The following FBN2 variants were observed in gnomAD, a reference collection of about 807,000 sequenced individuals.
FBN2 encodes fibrillin-2.
FBN2 carries 105 observed loss-of-function variants against 355.6 expected under a neutral mutation model. The ratio of observed to expected loss-of-function variants is 0.30; its 90% CI spans 0.25 to 0.35. FBN2 has a LOEUF of 0.35. Among genes scored for constraint, FBN2 ranks in the 10% least tolerant of loss-of-function variants. FBN2 has a pLI of 1.00. For synonymous variants in FBN2, 1,350 were observed against 1,301.2 expected (o/e 1.04, Z -0.81); for missense variants, 3,280 against 3,758.7 (o/e 0.87, Z 3.33).
intron 4 of FBN2, among the ~76,000 whole-genome samples, chr5:128,521,286 T>C (rs1207224466): frequency 6.6e-6 from 1 of 152,090 alleles, no homozygotes; most frequent in African/African-American, 2.4e-5. Context: ...AAACACCACA[T>C]GTTCTCACTT....
intron 50 of FBN2, 65 bp downstream of exon 50, chr5:128,290,667 C>T (rs1024022043): frequency 6.7e-7 from 1 of 1,492,346 alleles, no homozygotes; most frequent in Non-Finnish European, 9.4e-7. Flanking sequence ...CATGGTTAAA[C>T]CCACTCTGGC....
intron 6 of FBN2, among the ~76,000 whole-genome samples, chr5:128,463,590 T>C (rs1024912753): frequency 6.6e-6 from 1 of 152,184 alleles, no homozygotes; most frequent in African/African-American, 2.4e-5. Context: ...CAAAAATCTG[T>C]GGATGCTGCT....
chr5:128,314,325 ATTTG>A (rs1365784488), intron 36 of FBN2, among the ~76,000 whole-genome samples: 1 of 151,878 alleles, frequency 6.6e-6, no homozygotes, highest in Non-Finnish European at 1.5e-5. Context: ...ATTTATATTT[ATTTG>A]TTTATTTATT....
intron 7 of FBN2, among the ~76,000 whole-genome samples, chr5:128,411,307 C>T (rs905712953): frequency 1.3e-5 from 2 of 152,204 alleles, no homozygotes; most frequent in Non-Finnish European, 2.9e-5. Flanking sequence ...TGTTAAAAAG[C>T]TCATGCCCAG....
chr5:128,260,625 T>C (rs1249621671), intron 64 of FBN2, among the ~76,000 whole-genome samples: 3 of 152,206 alleles, frequency 2.0e-5, no homozygotes, highest in Admixed American at 6.5e-5. Flanking sequence ...ACTTCTGGAT[T>C]TGTAGTTTGG....
intron 5 of FBN2, among the ~76,000 whole-genome samples, chr5:128,502,168 A>G (rs990328214): frequency 2.0e-5 from 3 of 152,098 alleles, no homozygotes; most frequent in African/African-American, 7.2e-5. Flanking sequence ...CTACAGAAAT[A>G]TGGAAGGAAA....
chr5:128,279,226 G>A (rs1765472365), intron 56 of FBN2, among the ~76,000 whole-genome samples: 1 of 152,090 alleles, frequency 6.6e-6, no homozygotes, highest in Non-Finnish European at 1.5e-5. Context: ...TATTTTATGA[G>A]CTTGGTACTT....
chr5:128,404,566 C>T (rs1157424957), intron 8 of FBN2, among the ~76,000 whole-genome samples: 1 of 152,246 alleles, frequency 6.6e-6, no homozygotes, highest in African/African-American at 2.4e-5. Context: ...CTATAATCAA[C>T]ATGAAGTTCT....
intron 34 of FBN2, among the ~76,000 whole-genome samples, chr5:128,327,724 C>T (rs755506307): frequency 4.5e-4 from 69 of 151,962 alleles, no homozygotes; most frequent in Admixed American, 2.6e-3. Flanking sequence ...CCGCAACCTC[C>T]GCCTCCAGGG....
At chr5:128,336,390 T>C (rs112462668) in intron 27 of FBN2, among the ~76,000 whole-genome samples, 5 of 152,370 alleles carry the variant, frequency 3.3e-5, no homozygotes, top group African/African-American at 1.2e-4. Context: ...ATATGGACAG[T>C]ATAACTAAGG....
intron 61 of FBN2, 117 bp from the exon 62 acceptor site, chr5:128,272,235 T>C (rs1765285567): frequency 8.5e-6 from 10 of 1,175,306 alleles, no homozygotes; most frequent in Admixed American, 3.9e-5. Flanking sequence ...AAACAAGACA[T>C]GACACATAGA....
chr5:128,456,560 T>C (rs893205601), intron 6 of FBN2, among the ~76,000 whole-genome samples: 2 of 152,220 alleles, frequency 1.3e-5, no homozygotes, highest in African/African-American at 2.4e-5. Flanking sequence ...TTGGTGCCCC[T>C]AGAGGTGAGA....
chr5:128,293,067 T>C (rs1007781872), intron 48 of FBN2, among the ~76,000 whole-genome samples: 1 of 152,200 alleles, frequency 6.6e-6, no homozygotes, highest in African/African-American at 2.4e-5. Context: ...TTCACTGTCA[T>C]ACCCACTGAA....
At chr5:128,312,895 G>C in intron 36 of FBN2, 100 bp from the exon 37 acceptor site, 2 of 1,302,414 alleles carry the variant, frequency 1.5e-6, no homozygotes, top group South Asian at 2.4e-5. Flanking sequence ...AATTTTGTAC[G>C]TTAACATGAA....
At chr5:128,348,720 C>T (rs940934200) in intron 23 of FBN2, among the ~76,000 whole-genome samples, 12 of 151,906 alleles carry the variant, frequency 7.9e-5, no homozygotes, top group African/African-American at 2.9e-4. Context: ...ATTATTGTTA[C>T]ATACAATGAA....
Position 128,519,284 on chromosome 5 carries a change from T to A in FBN2, c.617A>T (p.Gln206Leu), listed in dbSNP as rs1207752455. The A allele has an allele frequency of 6.2e-7, 1 of 1,611,684 alleles. No individual in the cohort carries two copies. The highest frequency in any genetic ancestry group is 8.5e-7 in the Non-Finnish European group (1 of 1,177,966). The change falls in exon 5 of 65, where the codon CAG (glutamine) becomes CTG (leucine). Residue 206 changes from glutamine (Q) to leucine (L), a missense_variant. By Grantham distance (113) the Gln-to-Leu change is moderately radical. This residue lies in a region of FBN2 where 130 missense variants were observed against 189.9 expected (regional missense o/e 0.68). Coordinates refer to ENST00000262464, the MANE Select transcript of FBN2 (RefSeq NM_001999.4). ...CACVYGFTGP[Q>L]CERDYRTGPC... ...ATTTCTCTTCTTACCTCTTTCACACTGTGGACCAGTGAACCCATAAACACA... is the reference window on the plus strand; with the variant it reads ...ATTTCTCTTCTTACCTCTTTCACACAGTGGACCAGTGAACCCATAAACACA...
At chr5:128,389,580 G>T (rs1334518441) in intron 11 of FBN2, among the ~76,000 whole-genome samples, 3 of 152,190 alleles carry the variant, frequency 2.0e-5, no homozygotes, top group Non-Finnish European at 4.4e-5. Context: ...CCCCCTAAAG[G>T]AGGATGTCAA....
At position 128,288,457 on chromosome 5, in the gene FBN2, C is replaced by G. The variant is rs1305710426; in HGVS notation, c.6738G>C (p.Gly2246=). ...ECNCNEGFEP[G]PMMNCEDINE... The stretch of plus-strand genomic sequence containing the variant: ...ACTTGCCTTCACAATTCATCATGGG[C>G]CCTGGCTCAAAGCCTTCATTGCAAT... The change falls in exon 53 of 65, where the codon GGG becomes GGC. Residue 2246 remains glycine, a synonymous_variant. Transcript: ENST00000262464. The G allele has an allele frequency of 6.2e-7, 1 of 1,614,030 alleles. No homozygotes were observed. Among genetic ancestry groups the G allele is most frequent in the Non-Finnish European group, 8.5e-7 (1 of 1,179,956 alleles).
At chr5:128,297,199 G>T (rs1346868354) in intron 48 of FBN2, among the ~76,000 whole-genome samples, 1 of 152,158 alleles carries the variant, frequency 6.6e-6, no homozygotes, top group Non-Finnish European at 1.5e-5. Context: ...TGTGGTCTGA[G>T]AGATAGTTTG....
Sources: gnomAD v4.1 joint callset for allele counts (sites outside exome capture counted in the v4.1 genomes callset) on GRCh38, gnomAD v4.1.1 for gene constraint, gnomAD v4.1.1 regional missense constraint, MANE v1.5 for transcripts, NCBI Gene and HGNC (gene_info 2026-07-23, HGNC 2026-07-21) for gene names.